Variants in KLHL22 observed in about 807,000 individuals in gnomAD.
The protein encoded by KLHL22 is kelch like family member 22.
KLHL22 carries 18 observed loss-of-function variants against 60.7 expected under a neutral mutation model. That is an observed-to-expected ratio of 0.30 (90% CI 0.20 to 0.44). KLHL22 has a LOEUF of 0.44. Ranked by LOEUF, KLHL22 falls within the 20% of genes least tolerant of loss-of-function variation. The pLI is 1.00. For missense variants in KLHL22, 596 were observed against 852.3 expected, an observed-to-expected ratio of 0.70 and a Z score of 3.74; for synonymous variants, 355 against 354.5, an observed-to-expected ratio of 1.00 and a Z score of -0.01.
chr22:20,480,863 GCT>G lies in KLHL22; in HGVS notation c.227+8120_227+8121del, dbSNP rs552553289. ...TTTTTTTTTTTTGAGACGGAGTCTT[GCT>G]CTGTCGCCCAGGCTGGAATGCAGTG... On this transcript the variant is annotated intron_variant, in intron 2 of 6. Transcript: ENST00000328879. Among the ~76,000 whole-genome samples, 53 of 116,470 alleles carry G rather than the reference GCT, an allele frequency of 4.6e-4. 2 individuals carry two copies. In the South Asian group the frequency reaches 0.013, roughly 28 times the overall value. The allele number at this position is 116,470 out of a possible 152,430, so 76.4% of individuals were successfully genotyped here.
Position 20,495,165 on chromosome 22 carries a change from C to G in KLHL22, c.-34+595G>C, listed in dbSNP as rs147039261. Among the ~76,000 whole-genome samples the G allele has an allele frequency of 3.3e-5, 5 of 152,346 alleles. No individual in the cohort carries two copies. The highest frequency in any genetic ancestry group is 1.2e-4 in the African/African-American group (5 of 41,584). ...GGTGGCGGTGCCCCGCTGCCCGCCC[C>G]AGATCCACTCGGCTCGGCCCGCACC... On this transcript the variant is annotated intron_variant, in intron 1 of 6. Coordinates refer to ENST00000328879, the MANE Select transcript of KLHL22 (RefSeq NM_032775.4). The surrounding 1 kb of genome is among the most constrained non-coding windows in gnomAD (Gnocchi z 4.6).
rs780078822 is a variant in KLHL22, at chr22:20,454,160, T to C, written c.1305+3648A>G. ...CCTGGGCAATATGGTGAAACCTTCA[T>C]GATACTAAAAATATAAATATTAGCT... On this transcript the variant is annotated intron_variant, in intron 5 of 6. Transcript: ENST00000328879. Among the ~76,000 whole-genome samples the C allele has an allele frequency of 4.6e-5, 7 of 151,994 alleles. No individual in the cohort carries two copies. In the South Asian group the frequency reaches 1.2e-3, roughly 27 times the overall value.
chr22:20,456,943 C>T (rs1039836361), intron 5 of KLHL22, among the ~76,000 whole-genome samples: 5 of 152,200 alleles, frequency 3.3e-5, no homozygotes, highest in Non-Finnish European at 5.9e-5. Flanking sequence ...CTCTGCCTCT[C>T]AGGTGCTCGG....
At chr22:20,470,699 GATGGATGGATGGATGCATGC>G (rs1191520464) in intron 3 of KLHL22, among the ~76,000 whole-genome samples, 2 of 150,254 alleles carry the variant, frequency 1.3e-5, no homozygotes, top group African/African-American at 2.5e-5. Flanking sequence ...TGGATGGATG[GATGGATGGATGGATGCATGC>G]ATGGATGGAT....
chr22:20,466,693 G>A (rs1487473286), intron 3 of KLHL22, among the ~76,000 whole-genome samples: 3 of 152,168 alleles, frequency 2.0e-5, no homozygotes, highest in Non-Finnish European at 2.9e-5. Context: ...ACAGGGTCTT[G>A]CTCTGTTGCC....
intron 3 of KLHL22, among the ~76,000 whole-genome samples, chr22:20,466,289 G>A (rs184826748): frequency 2.4e-3 from 352 of 149,712 alleles, no homozygotes; most frequent in Non-Finnish European, 4.4e-3. Context: ...CAGGAGAATC[G>A]CTGGAACCCA....
Position 20,442,165 on chromosome 22 carries a change from T to C in KLHL22, c.1813A>G (p.Thr605Ala), listed in dbSNP as rs917227417. ...GGGTCGGCCTGGCTGCGGTCAGGGGTCCCGCGGGGCGGCTCAAGGAGCAGG... is the reference window on the plus strand; with the variant it reads ...GGGTCGGCCTGGCTGCGGTCAGGGGCCCCGCGGGGCGGCTCAAGGAGCAGG... ...RSLLLEPPRG[T>A]PDRSQADPDF... The change falls in exon 7 of 7, where the codon ACC becomes GCC. Residue 605 changes from threonine (T) to alanine (A), a missense_variant. Coordinates refer to ENST00000328879, the MANE Select transcript of KLHL22 (RefSeq NM_032775.4). 2 of 1,555,112 alleles carry C rather than the reference T, an allele frequency of 1.3e-6. No homozygotes were observed. The highest frequency in any genetic ancestry group is 1.9e-5 in the Admixed American group (1 of 53,436).
Position 20,442,351 on chromosome 22 carries a change from CCAGCA to C in KLHL22, c.1622_1626del (p.Val541GlyfsTer58). The stretch of plus-strand genomic sequence containing the variant: ...CCACCTAACACATAGATCCTGTTGT[CCAGCA>C]CAGCAATGCCAGGCTCACCGTGCCC... On this transcript the variant is annotated frameshift_variant, in exon 7 of 7. Transcript: ENST00000328879. LOFTEE classifies it high-confidence loss of function. The C allele has an allele frequency of 6.2e-7, 1 of 1,613,930 alleles. No homozygotes were observed.
intron 6 of KLHL22, among the ~76,000 whole-genome samples, chr22:20,445,639 G>A (rs1429628192): frequency 6.6e-6 from 1 of 152,224 alleles, no homozygotes; most frequent in Non-Finnish European, 1.5e-5. Context: ...CTGGGGAACA[G>A]CGGTGTGATC....
At chr22:20,474,009 C>CT (rs1396615548) in intron 2 of KLHL22, among the ~76,000 whole-genome samples, 1 of 151,682 alleles carries the variant, frequency 6.6e-6, no homozygotes, top group African/African-American at 2.4e-5. Flanking sequence ...TGGCTTTTTT[C>CT]TTTTTTTTGA....
At chr22:20,480,976 C>A (rs1323025271) in intron 2 of KLHL22, among the ~76,000 whole-genome samples, 1 of 151,614 alleles carries the variant, frequency 6.6e-6, no homozygotes, top group Non-Finnish European at 1.5e-5. Flanking sequence ...GGACTACAGG[C>A]ACCCGCCACC....
At chr22:20,483,653 G>C in intron 2 of KLHL22, 1 of 727,238 alleles carries the variant, frequency 1.4e-6, no homozygotes, top group Non-Finnish European at 2.6e-6. Context: ...TCGATCTACA[G>C]AAAGATACGG....
intron 5 of KLHL22, among the ~76,000 whole-genome samples, chr22:20,453,259 TC>T (rs200415970): frequency 1.6e-4 from 24 of 151,718 alleles, no homozygotes; most frequent in East Asian, 3.9e-4. Flanking sequence ...ATTTTCTTCT[TC>T]TTTTTTTCTA....
chr22:20,487,459 T>C lies in KLHL22; in HGVS notation c.227+1526A>G, dbSNP rs539802012. Among the ~76,000 whole-genome samples, 15 of 151,832 alleles carry C rather than the reference T, an allele frequency of 9.9e-5. No homozygotes were observed. In the East Asian group the frequency reaches 2.3e-3, roughly 24 times the overall value. ...CTAGTCTCAAACTCCTGGCCTCAAG[T>C]GATCCACCTGCCTTGGCCTCCCAAA... On this transcript the variant is annotated intron_variant, in intron 2 of 6. Coordinates refer to ENST00000328879, the MANE Select transcript of KLHL22 (RefSeq NM_032775.4).
chr22:20,470,811 GATGGATGGATGGATGGATGCATGCATGC>G (rs2053311555), intron 3 of KLHL22, among the ~76,000 whole-genome samples: 2 of 145,292 alleles, frequency 1.4e-5, no homozygotes, highest in African/African-American at 2.8e-5. Context: ...TGGATGGATG[GATGGATGGATGGATGGATGCATGCATGC>G]ATGGATGGAT....
At position 20,465,655 on chromosome 22, in the gene KLHL22, T is replaced by C. The variant is rs774848914; in HGVS notation, c.394-79A>G. On this transcript the variant is annotated intron_variant, in intron 3 of 6. Transcript: ENST00000328879. The surrounding 1 kb of genome is among the most constrained non-coding windows in gnomAD (Gnocchi z 4.9). The stretch of plus-strand genomic sequence containing the variant: ...GTGGGAGAGAGAATGATGGCAGAAA[T>C]ACGGGCTGTTGTGGGCCAGGCAAAG... 3 of 802,106 alleles carry C rather than the reference T, an allele frequency of 3.7e-6. No homozygotes were observed. Among genetic ancestry groups the C allele is most frequent in the Non-Finnish European group, 2.2e-6 (1 of 445,296 alleles). 49.7% of individuals were successfully genotyped at this position (802,106 alleles called of 1,614,324 possible).
intron 5 of KLHL22, chr22:20,451,282 G>A: frequency 6.2e-7 from 1 of 1,606,674 alleles, no homozygotes; most frequent in South Asian, 1.1e-5. Flanking sequence ...AGGCTTTGAT[G>A]GAAGCAGGCG....
chr22:20,443,469 G>A (rs1350206286), intron 6 of KLHL22, among the ~76,000 whole-genome samples: 4 of 152,206 alleles, frequency 2.6e-5, no homozygotes, highest in African/African-American at 7.2e-5. Flanking sequence ...GGCCGGGCGT[G>A]GTGGCTCACG....
intron 4 of KLHL22, among the ~76,000 whole-genome samples, chr22:20,464,210 A>C (rs373060118): frequency 9.6e-4 from 144 of 150,122 alleles, no homozygotes; most frequent in Middle Eastern, 6.9e-3. Flanking sequence ...AGTCCACAAA[A>C]CTCTCTCTTG....
Sources: gnomAD v4.1 joint callset for allele counts (sites outside exome capture counted in the v4.1 genomes callset) on GRCh38, gnomAD v4.1.1 for gene constraint, Gnocchi (gnomAD v3.1) non-coding constraint, MANE v1.5 for transcripts, NCBI Gene and HGNC (gene_info 2026-07-23, HGNC 2026-07-21) for gene names.